Variants in SHISA6 observed in about 807,000 individuals in gnomAD.
SHISA6 encodes protein shisa-6.
In SHISA6, 22 loss-of-function variants were observed where a neutral mutation model predicts 47.9. That is an observed-to-expected ratio of 0.46 (90% CI 0.33 to 0.66). The LOEUF is 0.66. Ranked by LOEUF, SHISA6 falls within the 30% of genes least tolerant of loss-of-function variation. The probability of loss-of-function intolerance (pLI) is 0.02; values close to 1 mark genes in which losing one functional copy is unlikely to be tolerated. For synonymous variants in SHISA6, 388 were observed against 337.8 expected (o/e 1.15, Z -1.63); for missense variants, 680 against 764.6 (o/e 0.89, Z 1.30).
chr17:11,322,237 CT>C (rs879591617), intron 2 of SHISA6, among the ~76,000 whole-genome samples: 11 of 151,726 alleles, frequency 7.2e-5, no homozygotes, highest in South Asian at 4.2e-4. Flanking sequence ...ATTGTTTCAC[CT>C]TTTTTTTCAG....
intron 2 of SHISA6, among the ~76,000 whole-genome samples, chr17:11,277,038 CCAAACAGTTGATGAGCATGACCAGGT>C (rs1908926857): frequency 6.6e-6 from 1 of 151,918 alleles, no homozygotes; most frequent in African/African-American, 2.4e-5. Flanking sequence ...TTTGGCCAGA[CCAAACAGTTGATGAGCATGACCAGGT>C]CAATCCAAGG....
At chr17:11,404,508 T>C (rs1269875337) in intron 3 of SHISA6, among the ~76,000 whole-genome samples, 1 of 152,162 alleles carries the variant, frequency 6.6e-6, no homozygotes, top group African/African-American at 2.4e-5. Flanking sequence ...GCAATTTCCT[T>C]CTGTTTGACT....
At chr17:11,294,364 T>A (rs1466613487) in intron 2 of SHISA6, among the ~76,000 whole-genome samples, 1 of 152,200 alleles carries the variant, frequency 6.6e-6, no homozygotes, top group Non-Finnish European at 1.5e-5. Flanking sequence ...CCAGAGGCTC[T>A]AGACATGTCC....
intron 3 of SHISA6, among the ~76,000 whole-genome samples, chr17:11,457,004 C>CCTA (rs1915557724): frequency 6.6e-6 from 1 of 152,166 alleles, no homozygotes; most frequent in African/African-American, 2.4e-5. Flanking sequence ...ACAATCTCAT[C>CCTA]CAGTTCTCTG....
In SHISA6 at chr17:11,242,019, C is replaced by T. The variant is rs1907380345; in HGVS notation, c.597C>T (p.Tyr199=). 3 of 1,550,982 alleles carry T rather than the reference C, an allele frequency of 1.9e-6. No individual in the cohort carries two copies. Among genetic ancestry groups the T allele is most frequent in the South Asian group, 1.2e-5 (1 of 84,068 alleles). Reference sequence around the variant, plus strand: ...CCGGCGTCTTCGCCAAGGTCTCCTACGACAAGGCCCACCGCCCTCCACGGG... The same window carrying T: ...CCGGCGTCTTCGCCAAGGTCTCCTATGACAAGGCCCACCGCCCTCCACGGG... ...IVAGVFAKVS[Y]DKAHRPPREM... is the part of the protein sequence containing the mutation. Residue 199 remains tyrosine, a synonymous_variant, in exon 1 of 6, where the codon TAC becomes TAT. Coordinates refer to ENST00000441885, the MANE Select transcript of SHISA6 (RefSeq NM_207386.4).
At chr17:11,437,197 A>G (rs1412876923) in intron 3 of SHISA6, among the ~76,000 whole-genome samples, 1 of 152,202 alleles carries the variant, frequency 6.6e-6, no homozygotes, top group Non-Finnish European at 1.5e-5. Flanking sequence ...AAGTGTGCAG[A>G]ATCTAATTGA....
At chr17:11,310,589 G>A (rs1484068926) in intron 2 of SHISA6, among the ~76,000 whole-genome samples, 1 of 152,204 alleles carries the variant, frequency 6.6e-6, no homozygotes, top group East Asian at 1.9e-4. Context: ...TCGTGGGCCA[G>A]AGGAAAGCTC....
At chr17:11,298,154 C>G (rs1909812112) in intron 2 of SHISA6, among the ~76,000 whole-genome samples, 2 of 152,168 alleles carry the variant, frequency 1.3e-5, no homozygotes, top group African/African-American at 2.4e-5. Context: ...AAAGTTAGTT[C>G]CTTGATAAAG....
chr17:11,472,711 T>C (rs1250912194), intron 3 of SHISA6, among the ~76,000 whole-genome samples: 1 of 152,216 alleles, frequency 6.6e-6, no homozygotes, highest in Non-Finnish European at 1.5e-5. Flanking sequence ...TTTTGGATCA[T>C]ATGGTAAGAC....
rs1319359065 is a variant in SHISA6, at chr17:11,561,101, G to A, written c.*2797G>A. The A allele has an allele frequency of 1.3e-5, 2 of 152,118 alleles. No individual in the cohort carries two copies. The highest frequency in any genetic ancestry group is 4.8e-5 in the African/African-American group (2 of 41,406). 9.4% of individuals were successfully genotyped at this position (152,118 alleles called of 1,614,324 possible). ...TGGAACAAGCAAAGCCACATCAATAGGCAAGTTCACGTAGCAGATAAAAGA... is the reference window on the plus strand; with the variant it reads ...TGGAACAAGCAAAGCCACATCAATAAGCAAGTTCACGTAGCAGATAAAAGA... On this transcript the variant is annotated 3_prime_UTR_variant, in exon 6 of 6. Transcript: ENST00000441885.
At chr17:11,536,977 G>A (rs899240277) in intron 3 of SHISA6, among the ~76,000 whole-genome samples, 2 of 152,160 alleles carry the variant, frequency 1.3e-5, no homozygotes, top group African/African-American at 4.8e-5. Context: ...TCCTGAAGAC[G>A]CGGATCACAG....
intron 3 of SHISA6, among the ~76,000 whole-genome samples, chr17:11,458,234 T>C (rs1319798210): frequency 2.0e-5 from 3 of 152,102 alleles, no homozygotes; most frequent in Non-Finnish European, 4.4e-5. Context: ...CAGGCTTCGG[T>C]TTTCTCATCT....
At chr17:11,328,019 C>T (rs1910965642) in intron 2 of SHISA6, among the ~76,000 whole-genome samples, 1 of 152,132 alleles carries the variant, frequency 6.6e-6, no homozygotes, top group South Asian at 2.1e-4. Flanking sequence ...TTAATAAATA[C>T]AAATTCATTC....
intron 3 of SHISA6, among the ~76,000 whole-genome samples, chr17:11,385,609 T>C (rs1474791954): frequency 6.6e-6 from 1 of 151,984 alleles, no homozygotes; most frequent in African/African-American, 2.4e-5. Flanking sequence ...AAACTCTTGG[T>C]TGGGGATAGA....
rs751732583 is a variant in SHISA6, at chr17:11,263,752, G to A, written c.799+226G>A. Among the ~76,000 whole-genome samples, 24 of 152,298 alleles carry A rather than the reference G, an allele frequency of 1.6e-4. No homozygotes were observed. In the Middle Eastern group the frequency reaches 0.014, roughly 86 times the overall value. ...GCTGGATGAGGACTGACAATTTCAG[G>A]CACTTGTGACCTAGTGAGTGGTTGG... On this transcript the variant is annotated intron_variant, in intron 2 of 5. Transcript: ENST00000441885.
intron 2 of SHISA6, among the ~76,000 whole-genome samples, chr17:11,322,638 A>G (rs1396954640): frequency 6.6e-6 from 1 of 152,206 alleles, no homozygotes; most frequent in East Asian, 1.9e-4. Context: ...CCTAACTTGT[A>G]TTAATTAATT....
intron 2 of SHISA6, among the ~76,000 whole-genome samples, chr17:11,269,517 C>T (rs1184123496): frequency 3.3e-5 from 5 of 152,202 alleles, no homozygotes; most frequent in Admixed American, 3.3e-4. Flanking sequence ...GCACGGGTGG[C>T]TTGGAAGCCC....
intron 3 of SHISA6, among the ~76,000 whole-genome samples, chr17:11,425,254 A>ATTTCT (rs1459332908): frequency 6.6e-6 from 1 of 151,756 alleles, no homozygotes; most frequent in African/African-American, 2.4e-5. Context: ...CAAACCAGAA[A>ATTTCT]GGTTTGTTTC....
At chr17:11,433,804 G>A (rs113524893) in intron 3 of SHISA6, among the ~76,000 whole-genome samples, 4 of 152,138 alleles carry the variant, frequency 2.6e-5, no homozygotes, top group Non-Finnish European at 4.4e-5. Flanking sequence ...TCCTTGTTCC[G>A]CTGTTTGCTT....
Sources: gnomAD v4.1 joint callset for allele counts (sites outside exome capture counted in the v4.1 genomes callset) on GRCh38, gnomAD v4.1.1 for gene constraint, MANE v1.5 for transcripts, NCBI Gene and HGNC (gene_info 2026-07-23, HGNC 2026-07-21) for gene names.